Variants in FHIT observed in about 807,000 individuals in gnomAD.
FHIT encodes fragile histidine triad diadenosine triphosphatase.
A neutral mutation model predicts 17.9 loss-of-function variants in FHIT; 19 were observed. That is an observed-to-expected ratio of 1.06 (90% CI 0.74 to 1.56). The LOEUF is 1.56. Ranked by LOEUF, FHIT falls within the 40% of genes most tolerant of loss-of-function variation. FHIT has a pLI of 0.00. For synonymous variants in FHIT, 81 were observed against 69.7 expected (o/e 1.16, Z -0.81); for missense variants, 248 against 189.2 (o/e 1.31, Z -1.82).
rs553960199 is a variant in FHIT, at chr3:59,814,344, C to T, written c.349-62023G>A. 3.9e-5 allele frequency among the ~76,000 whole-genome samples: 6 copies of T among 152,250 alleles called. No homozygotes were observed. In the East Asian group the frequency reaches 5.8e-4, roughly 15 times the overall value. On this transcript the variant is annotated intron_variant, in intron 8 of 9. Transcript: ENST00000492590. Reference sequence around the variant, plus strand: ...GTGTTGGCCACCAGGTGCCAGAGCACGTATGGTCTTGGCCTAAGGTGAGTG... The same window carrying T: ...GTGTTGGCCACCAGGTGCCAGAGCATGTATGGTCTTGGCCTAAGGTGAGTG...
At chr3:60,660,219 CAATGGAAGGA>C (rs1310452840) in intron 4 of FHIT, among the ~76,000 whole-genome samples, 2 of 152,128 alleles carry the variant, frequency 1.3e-5, no homozygotes, top group Non-Finnish European at 2.9e-5. Flanking sequence ...GGGCTTGCAA[CAATGGAAGGA>C]AATGCAACAA....
chr3:60,837,167 T>C (rs1702568559), intron 3 of FHIT, among the ~76,000 whole-genome samples: 1 of 152,090 alleles, frequency 6.6e-6, no homozygotes, highest in Non-Finnish European at 1.5e-5. Flanking sequence ...GATACTAGTA[T>C]ATACTTAGAC....
At chr3:59,953,382 C>A (rs1310808071) in intron 7 of FHIT, among the ~76,000 whole-genome samples, 2 of 152,068 alleles carry the variant, frequency 1.3e-5, no homozygotes, top group African/African-American at 2.4e-5. Flanking sequence ...TCCCTATGCA[C>A]ACATTTCTTG....
chr3:60,516,923 C>G (rs367563391), intron 5 of FHIT, among the ~76,000 whole-genome samples: 4 of 152,134 alleles, frequency 2.6e-5, no homozygotes, highest in East Asian at 3.9e-4. Flanking sequence ...ATACAAACTT[C>G]GACTTCATGG....
At chr3:59,945,782 T>C (rs1706772508) in intron 7 of FHIT, among the ~76,000 whole-genome samples, 1 of 152,212 alleles carries the variant, frequency 6.6e-6, no homozygotes, top group African/African-American at 2.4e-5. Context: ...GCACCATTTA[T>C]TGAAAAAGGA....
At position 60,434,683 on chromosome 3, in the gene FHIT, C is replaced by T. The variant is rs931724283; in HGVS notation, c.103+102177G>A. Reference sequence around the variant, plus strand: ...CTTGACAGACTGGTACTAGTGTTACCGTAGATAAATGCCTGCTTTATACCA... The same window carrying T: ...CTTGACAGACTGGTACTAGTGTTACTGTAGATAAATGCCTGCTTTATACCA... On this transcript the variant is annotated intron_variant, in intron 5 of 9. Transcript: ENST00000492590. 3.8e-4 allele frequency among the ~76,000 whole-genome samples: 58 copies of T among 152,202 alleles called. 1 individual carries two copies. The highest frequency in any genetic ancestry group is 1.4e-3 in the African/African-American group (58 of 41,548).
chr3:61,237,870 G>A (rs1344049524), intron 1 of FHIT, among the ~76,000 whole-genome samples: 1 of 152,130 alleles, frequency 6.6e-6, no homozygotes, highest in African/African-American at 2.4e-5. Context: ...GTCAGATAAT[G>A]GGCTCTTATT....
At chr3:59,906,467 A>T (rs73841805) in intron 8 of FHIT, among the ~76,000 whole-genome samples, 143 of 152,364 alleles carry the variant, frequency 9.4e-4, no homozygotes, top group African/African-American at 3.3e-3. Flanking sequence ...GTGGATCCAG[A>T]ACCACAGCAT....
chr3:60,392,369 T>C (rs1471920382), intron 5 of FHIT, among the ~76,000 whole-genome samples: 1 of 152,186 alleles, frequency 6.6e-6, no homozygotes, highest in African/African-American at 2.4e-5. Flanking sequence ...AATTTACAAA[T>C]GGATAATTCA....
At chr3:59,952,742 A>C (rs1163152930) in intron 7 of FHIT, among the ~76,000 whole-genome samples, 1 of 152,194 alleles carries the variant, frequency 6.6e-6, no homozygotes, top group Non-Finnish European at 1.5e-5. Context: ...CTTGGAACCA[A>C]GCGCTGGTTC....
intron 8 of FHIT, among the ~76,000 whole-genome samples, chr3:59,874,617 G>C (rs1703070589): frequency 6.6e-6 from 1 of 152,040 alleles, no homozygotes; most frequent in African/African-American, 2.4e-5. Context: ...GTGGGCTTGG[G>C]AAAGAAGGGA....
chr3:60,031,605 A>G (rs114159997), intron 5 of FHIT, among the ~76,000 whole-genome samples: 1,943 of 152,330 alleles, frequency 0.013, 16 homozygotes, highest in Middle Eastern at 0.041. Flanking sequence ...ATTTCAGAGT[A>G]ACCAAACAGC....
At chr3:60,126,224 T>C (rs1444582109) in intron 5 of FHIT, among the ~76,000 whole-genome samples, 2 of 152,142 alleles carry the variant, frequency 1.3e-5, no homozygotes, top group Non-Finnish European at 1.5e-5. Context: ...CCTCACCTTA[T>C]CCCTTTGGGC....
intron 5 of FHIT, among the ~76,000 whole-genome samples, chr3:60,444,553 G>C (rs1287153766): frequency 6.6e-6 from 1 of 152,128 alleles, no homozygotes; most frequent in Non-Finnish European, 1.5e-5. Context: ...TAGGGATGTG[G>C]ATGAAACTAG....
intron 5 of FHIT, among the ~76,000 whole-genome samples, chr3:60,407,381 A>T (rs1330358639): frequency 6.6e-6 from 1 of 152,134 alleles, no homozygotes; most frequent in East Asian, 1.9e-4. Flanking sequence ...AAGATAAGTA[A>T]TTGAATCTTT....
intron 3 of FHIT, among the ~76,000 whole-genome samples, chr3:61,009,177 G>A (rs2031646382): frequency 6.6e-6 from 1 of 152,086 alleles, no homozygotes; most frequent in South Asian, 2.1e-4. Context: ...GCAATAGACT[G>A]GGTCCCATTG....
chr3:60,334,240 G>C (rs1710127364), intron 5 of FHIT, among the ~76,000 whole-genome samples: 1 of 152,172 alleles, frequency 6.6e-6, no homozygotes, highest in African/African-American at 2.4e-5. Flanking sequence ...TGTGTACAAA[G>C]ATTTGGACTT....
At chr3:59,767,422 C>A (rs565009258) in intron 8 of FHIT, among the ~76,000 whole-genome samples, 1 of 152,162 alleles carries the variant, frequency 6.6e-6, no homozygotes, top group South Asian at 2.1e-4. Flanking sequence ...TTGCTTGAAC[C>A]CGGGAGGTGA....
chr3:60,567,130 A>G (rs955689066), intron 4 of FHIT, among the ~76,000 whole-genome samples: 3 of 152,048 alleles, frequency 2.0e-5, no homozygotes, highest in African/African-American at 7.2e-5. Flanking sequence ...TTATGGAACC[A>G]AAAAAGAGCC....
Sources: allele counts gnomAD v4.1 joint callset (sites outside exome capture counted in the v4.1 genomes callset), GRCh38; gene constraint gnomAD v4.1.1; transcripts MANE v1.5; gene names NCBI Gene and HGNC (gene_info 2026-07-23, HGNC 2026-07-21).